The following SUGCT variants were observed in gnomAD, a reference collection of about 807,000 sequenced individuals.
SUGCT encodes the protein succinyl-CoA:glutarate-CoA transferase.
In SUGCT, 41 loss-of-function variants were observed where a neutral mutation model predicts 55.0. The observed-to-expected ratio is 0.74, with a 90% CI of 0.58 to 0.97. The LOEUF (loss-of-function observed/expected upper bound fraction) is 0.97, where lower values mean the gene tolerates loss of function less well. SUGCT is among the 50% of genes least tolerant of loss of function. SUGCT has a pLI of 0.00. For missense variants in SUGCT, 568 were observed against 547.8 expected, an observed-to-expected ratio of 1.04 and a Z score of -0.37; for synonymous variants, 187 against 200.4, an observed-to-expected ratio of 0.93 and a Z score of 0.56.
At chr7:40,870,076 CTG>C in the SUGCT span, among the ~76,000 whole-genome samples, 1 of 152,144 alleles carries the variant, frequency 6.6e-6, no homozygotes, top group Non-Finnish European at 1.5e-5. Context: ...TATTCTGAGA[CTG>C]TACTAGTTCA....
At chr7:40,335,169 T>A (rs1431179005) in intron 9 of SUGCT, among the ~76,000 whole-genome samples, 1 of 152,210 alleles carries the variant, frequency 6.6e-6, no homozygotes, top group African/African-American at 2.4e-5. Context: ...TGTAGTATAG[T>A]TTGAAGTCAG....
At chr7:40,350,917 G>A (rs1439712145) in intron 9 of SUGCT, among the ~76,000 whole-genome samples, 19 of 151,812 alleles carry the variant, frequency 1.3e-4, no homozygotes, top group Admixed American at 1.1e-3. Flanking sequence ...GTTAGTTTGC[G>A]GAGAATGATG....
At chr7:40,565,017 A>G (rs1451018921) in intron 12 of SUGCT, among the ~76,000 whole-genome samples, 1 of 152,250 alleles carries the variant, frequency 6.6e-6, no homozygotes, top group African/African-American at 2.4e-5. Context: ...TGATAACCAC[A>G]TCCTTCAACT....
intron 8 of SUGCT, among the ~76,000 whole-genome samples, chr7:40,289,776 C>A (rs1470835111): frequency 6.6e-6 from 1 of 152,134 alleles, no homozygotes; most frequent in Non-Finnish European, 1.5e-5. Context: ...AGCCCAAAAT[C>A]TCCTTAAGCT....
chr7:40,178,014 G>A (rs865859866), intron 1 of SUGCT, among the ~76,000 whole-genome samples: 2 of 152,208 alleles, frequency 1.3e-5, no homozygotes, highest in Non-Finnish European at 2.9e-5. Flanking sequence ...GCCTCACAAA[G>A]TGCGGGGATT....
At chr7:40,930,669 T>C in the SUGCT span, among the ~76,000 whole-genome samples, 1 of 152,216 alleles carries the variant, frequency 6.6e-6, no homozygotes. Flanking sequence ...AGATATTTTA[T>C]TCTCTTTGAA....
intron 9 of SUGCT, among the ~76,000 whole-genome samples, chr7:40,356,176 G>A (rs896477810): frequency 4.6e-5 from 7 of 152,174 alleles, no homozygotes; most frequent in Non-Finnish European, 8.8e-5. Flanking sequence ...TTCTGACAGC[G>A]CAGGAAGTAT....
chr7:40,879,794 C>T, the SUGCT span, among the ~76,000 whole-genome samples: 2 of 152,196 alleles, frequency 1.3e-5, no homozygotes, highest in Admixed American at 6.5e-5. Context: ...TTTGGCCTCT[C>T]TCCATGTGTC....
rs1216858583 is a variant in SUGCT, at chr7:40,153,568, T to G, written c.100+18448T>G. 1.2e-5 allele frequency: 6 copies of G among 484,524 alleles called. No individual in the cohort carries two copies. In the East Asian group the frequency reaches 3.3e-4, roughly 27 times the overall value. The allele number at this position is 484,524 out of a possible 1,614,324, so 30.0% of individuals were successfully genotyped here. On this transcript the variant is annotated intron_variant, in intron 1 of 13. Coordinates refer to ENST00000335693, the MANE Select transcript of SUGCT (RefSeq NM_001193313.2). ...TGGACCTATGGGCACATTTTGGACC[T>G]ATCAACTCTTACCCCTGGGATACTC...
chr7:40,991,500 C>G, the SUGCT span, among the ~76,000 whole-genome samples: 1 of 152,078 alleles, frequency 6.6e-6, no homozygotes, highest in African/African-American at 2.4e-5. Flanking sequence ...TTGTTGGATA[C>G]AGAGTTGCCA....
At chr7:40,761,838 A>T (rs1464285307) in intron 13 of SUGCT, among the ~76,000 whole-genome samples, 1 of 152,176 alleles carries the variant, frequency 6.6e-6, no homozygotes, top group Admixed American at 6.5e-5. Context: ...CCAAATAAGA[A>T]AACTGACCGT....
At chr7:40,459,672 G>T (rs1417427080) in intron 11 of SUGCT, among the ~76,000 whole-genome samples, 3 of 152,180 alleles carry the variant, frequency 2.0e-5, no homozygotes, top group Non-Finnish European at 1.5e-5. Flanking sequence ...GTGAAATCAA[G>T]AGTTGGTTTG....
At chr7:40,366,701 A>G (rs1783993637) in intron 9 of SUGCT, among the ~76,000 whole-genome samples, 1 of 152,156 alleles carries the variant, frequency 6.6e-6, no homozygotes, top group Admixed American at 6.5e-5. Context: ...AATGCAAATC[A>G]AAACCACAAT....
At chr7:40,361,256 G>A (rs1188760783) in intron 9 of SUGCT, among the ~76,000 whole-genome samples, 6 of 152,014 alleles carry the variant, frequency 3.9e-5, no homozygotes, top group Admixed American at 3.9e-4. Context: ...TACCAACAAA[G>A]CACAGGCAGC....
the SUGCT span, among the ~76,000 whole-genome samples, chr7:40,967,843 C>G: frequency 3.3e-5 from 5 of 152,192 alleles, no homozygotes; most frequent in East Asian, 9.6e-4. Flanking sequence ...AGGATGGTCT[C>G]GATCTCCAAC....
At position 40,860,600 on chromosome 7, in the gene SUGCT, A is replaced by G. The variant is rs1338682040; in HGVS notation, c.*121A>G. 9.8e-7 allele frequency: 1 copy of G among 1,025,346 alleles called. No individual in the cohort carries two copies. The highest frequency in any genetic ancestry group is 1.3e-6 in the Non-Finnish European group (1 of 742,806). 63.5% of individuals were successfully genotyped at this position (1,025,346 alleles called of 1,614,324 possible). A position where few individuals can be genotyped will look rare whatever the true frequency, so the allele number is the denominator to read the frequency against. ...AAAAGAAGATTTAGAGTAACTCCAG[A>G]TTTCTTACATGGCATCTCCAGAATG... On this transcript the variant is annotated 3_prime_UTR_variant, in exon 14 of 14. Transcript: ENST00000335693.
the SUGCT span, among the ~76,000 whole-genome samples, chr7:40,898,051 G>A: frequency 6.6e-6 from 1 of 152,138 alleles, no homozygotes; most frequent in Non-Finnish European, 1.5e-5. Context: ...AAATCTTGAT[G>A]CTGCTTATTC....
Position 40,334,474 on chromosome 7 carries a change from G to A in SUGCT, c.816+17619G>A, listed in dbSNP as rs533508058. ...TGGTGGGAGATGGTATCTCATTGTG[G>A]TTTTGATTTGCATTTCTCTGATGGC... is the stretch of plus-strand genomic sequence containing the variant. On this transcript the variant is annotated intron_variant, in intron 9 of 13. Coordinates refer to ENST00000335693, the MANE Select transcript of SUGCT (RefSeq NM_001193313.2). Among the ~76,000 whole-genome samples, 5 of 152,234 alleles carry A rather than the reference G, an allele frequency of 3.3e-5. No homozygotes were observed. The East Asian group carries it at 7.7e-4, about 24-fold the overall frequency.
chr7:40,712,279 C>A (rs1369416594), intron 12 of SUGCT, among the ~76,000 whole-genome samples: 2 of 152,190 alleles, frequency 1.3e-5, no homozygotes, highest in South Asian at 2.1e-4. Context: ...TAGGTGAGAT[C>A]TGATAGAAAA....
Sources: gnomAD v4.1 joint callset for allele counts (sites outside exome capture counted in the v4.1 genomes callset) on GRCh38, gnomAD v4.1.1 for gene constraint, MANE v1.5 for transcripts, NCBI Gene and HGNC (gene_info 2026-07-23, HGNC 2026-07-21) for gene names.